PUM1: variants seen among roughly 807,000 people sequenced by gnomAD.
The protein encoded by PUM1 is pumilio RNA binding family member 1.
In PUM1, 13 loss-of-function variants were observed where a neutral mutation model predicts 131.8. The ratio of observed to expected loss-of-function variants is 0.10; its 90% CI spans 0.06 to 0.16. The LOEUF (loss-of-function observed/expected upper bound fraction) is 0.16, where lower values mean the gene tolerates loss of function less well. Among genes scored for constraint, PUM1 ranks in the 10% least tolerant of loss-of-function variants. The probability of loss-of-function intolerance (pLI) is 1.00; values close to 1 mark genes in which losing one functional copy is unlikely to be tolerated. For synonymous variants in PUM1, 509 were observed against 556.5 expected, an observed-to-expected ratio of 0.91 and a Z score of 1.20; for missense variants, 961 against 1,512.4, an observed-to-expected ratio of 0.64 and a Z score of 6.05.
chr1:30,961,971 A>G (rs1640429615), intron 14 of PUM1, among the ~76,000 whole-genome samples: 1 of 152,178 alleles, frequency 6.6e-6, no homozygotes, highest in African/African-American at 2.4e-5. Context: ...AAGAAATGTT[A>G]TGTTTCTTAT....
chr1:31,009,782 A>AAAC (rs1553150215), intron 3 of PUM1, among the ~76,000 whole-genome samples: 2 of 125,354 alleles, frequency 1.6e-5, no homozygotes, highest in African/African-American at 6.6e-5. Context: ...AAAAAAAAAA[A>AAAC]AAAAACAAAA....
In PUM1 at chr1:30,992,425, T is replaced by A; in HGVS notation, c.1123A>T (p.Thr375Ser). 6.2e-7 allele frequency: 1 copy of A among 1,614,174 alleles called. No individual in the cohort carries two copies. Reference protein sequence around the residue: ...TQVPVDSAAATVGLFDYNSQQ... With the variant: ...TQVPVDSAAASVGLFDYNSQQ... ...GAATTGTAGTCAAAAAGTCCCACAG[T>A]TGCTGCTGCTGAGTCCACAGGTACC... The change falls in exon 7 of 22, where the codon ACT (threonine) becomes TCT (serine). Residue 375 changes from threonine to serine, a missense_variant. By Grantham distance (58) the Thr-to-Ser change is moderately conservative. This residue lies in a region of PUM1 where 654 missense variants were observed against 923.9 expected (regional missense o/e 0.71). Coordinates refer to ENST00000426105, the MANE Select transcript of PUM1 (RefSeq NM_001020658.2).
intron 7 of PUM1, among the ~76,000 whole-genome samples, chr1:30,984,866 C>T (rs1189772356): frequency 6.6e-6 from 1 of 151,796 alleles, no homozygotes; most frequent in Non-Finnish European, 1.5e-5. Flanking sequence ...TTTTCTAAAC[C>T]TGGAGGAGTA....
rs776208155 is a variant in PUM1, at chr1:30,950,201, A to G, written c.2782T>C (p.Leu928=). Residue 928 remains leucine, a synonymous_variant, in exon 17 of 22, where the codon TTG becomes CTG. Transcript: ENST00000426105. ...AERIRGHVLS[L]ALQMYGCRVI... ...CGGCAGCCATACATCTGTAGTGCCA[A>G]TGACAGGACGTGGCCTCGAATCCGT... 2 of 1,614,166 alleles carry G rather than the reference A, an allele frequency of 1.2e-6. No individual in the cohort carries two copies. The highest frequency in any genetic ancestry group is 2.2e-5 in the South Asian group (2 of 91,064).
intron 14 of PUM1, among the ~76,000 whole-genome samples, chr1:30,961,678 TACTA>T (rs1188634622): frequency 6.6e-6 from 1 of 152,180 alleles, no homozygotes; most frequent in African/African-American, 2.4e-5. Flanking sequence ...TGTTAAAAGA[TACTA>T]ACACATATCT....
At chr1:30,983,544 T>A (rs1641433496) in intron 7 of PUM1, among the ~76,000 whole-genome samples, 1 of 152,132 alleles carries the variant, frequency 6.6e-6, no homozygotes, top group East Asian at 1.9e-4. Context: ...GTATCTCGAT[T>A]TATTAACCAA....
chr1:30,995,072 G>C lies in PUM1; in HGVS notation c.869C>G (p.Ala290Gly). 4 of 1,613,942 alleles carry C rather than the reference G, an allele frequency of 2.5e-6. No homozygotes were observed. Among genetic ancestry groups the C allele is most frequent in the Non-Finnish European group, 3.4e-6 (4 of 1,179,898 alleles). Residue 290 changes from alanine (A) to glycine (G), a missense_variant, in exon 6 of 22, where the codon GCA becomes GGA. Transcript: ENST00000426105. ...TACAAACCTAAAATCTTTGACGTCT[G>C]CATCAATCCCATTCTGCACTGGTAA... ...NGLPVQNGID[A>G]DVKDFSRTPG...
chr1:31,058,036 T>C (rs1044354926), intron 2 of PUM1, among the ~76,000 whole-genome samples: 1 of 151,748 alleles, frequency 6.6e-6, no homozygotes, highest in Non-Finnish European at 1.5e-5. Flanking sequence ...CAGTAAAATA[T>C]GCTATGATTC....
intron 7 of PUM1, among the ~76,000 whole-genome samples, chr1:30,990,824 C>T (rs961644248): frequency 6.6e-6 from 1 of 152,166 alleles, no homozygotes; most frequent in African/African-American, 2.4e-5. Context: ...AAGAGATTAA[C>T]TTTCAAAATA....
intron 9 of PUM1, among the ~76,000 whole-genome samples, chr1:30,976,298 T>G (rs775121646): frequency 3.3e-5 from 5 of 152,198 alleles, no homozygotes; most frequent in African/African-American, 4.8e-5. Context: ...ACACATTTGC[T>G]AACCAGGAAA....
intron 2 of PUM1, chr1:31,051,155 C>G (rs1394946778): frequency 1.3e-5 from 2 of 150,910 alleles, no homozygotes; most frequent in Non-Finnish European, 2.9e-5. Flanking sequence ...TTTTTAAAAC[C>G]CTTCAAAAAA....
chr1:30,974,095 A>G (rs1173859196), intron 10 of PUM1, among the ~76,000 whole-genome samples: 1 of 138,032 alleles, frequency 7.2e-6, no homozygotes, highest in Non-Finnish European at 1.6e-5. Flanking sequence ...CTCAAAAAAA[A>G]AAAAAAGGTG....
intron 2 of PUM1, among the ~76,000 whole-genome samples, chr1:31,029,911 T>C (rs552952894): frequency 6.6e-4 from 51 of 76,756 alleles, no homozygotes; most frequent in African/African-American, 2.8e-3. Context: ...GAGATCCTTT[T>C]TCAAAAAAAA....
At chr1:30,988,258 C>T (rs756797963) in intron 7 of PUM1, among the ~76,000 whole-genome samples, 12 of 152,282 alleles carry the variant, frequency 7.9e-5, no homozygotes, top group African/African-American at 2.4e-4. Flanking sequence ...ATCAAAATCC[C>T]ATGTCACAGC....
intron 5 of PUM1, among the ~76,000 whole-genome samples, chr1:30,998,521 G>C (rs766573993): frequency 2.0e-5 from 3 of 152,194 alleles, no homozygotes; most frequent in African/African-American, 7.2e-5. Flanking sequence ...GCATGCGCCT[G>C]TAGTCCTTGC....
intron 14 of PUM1, among the ~76,000 whole-genome samples, chr1:30,954,826 G>A (rs1292429945): frequency 6.6e-6 from 1 of 152,162 alleles, no homozygotes; most frequent in East Asian, 1.9e-4. Context: ...ACTTTGGGAA[G>A]TCGAAGCAGG....
intron 3 of PUM1, among the ~76,000 whole-genome samples, chr1:31,018,430 T>C (rs969424183): frequency 6.6e-6 from 1 of 152,074 alleles, no homozygotes; most frequent in Admixed American, 6.6e-5. Flanking sequence ...GGGAGGCCGA[T>C]GGATCACCTG....
intron 2 of PUM1, among the ~76,000 whole-genome samples, chr1:31,042,919 G>A (rs549682497): frequency 1.2e-4 from 18 of 152,144 alleles, no homozygotes; most frequent in African/African-American, 4.1e-4. Context: ...AGTAGTGACA[G>A]GGTTTCTCCA....
intron 9 of PUM1, among the ~76,000 whole-genome samples, chr1:30,977,334 G>A (rs1221684952): frequency 6.6e-6 from 1 of 152,128 alleles, no homozygotes; most frequent in Non-Finnish European, 1.5e-5. Context: ...AATACATGTT[G>A]GGAGTACAGC....
Sources: gnomAD v4.1 joint callset for allele counts (sites outside exome capture counted in the v4.1 genomes callset) on GRCh38, gnomAD v4.1.1 for gene constraint, gnomAD v4.1.1 regional missense constraint, MANE v1.5 for transcripts, NCBI Gene and HGNC (gene_info 2026-07-23, HGNC 2026-07-21) for gene names.